The following USH2A variants were observed in gnomAD, a reference collection of about 807,000 sequenced individuals.
The protein encoded by USH2A is Usher syndrome 2A (autosomal recessive, mild).
A neutral mutation model predicts 538.9 loss-of-function variants in USH2A; 443 were observed. That is an observed-to-expected ratio of 0.82 (90% CI 0.76 to 0.89). USH2A has a LOEUF of 0.89. Among genes scored for constraint, USH2A ranks in the 40% least tolerant of loss-of-function variants. The probability of loss-of-function intolerance (pLI) is 0.00; values close to 1 mark genes in which losing one functional copy is unlikely to be tolerated. For synonymous variants in USH2A, 2,413 were observed against 2,273.5 expected (o/e 1.06, Z -1.75); for missense variants, 6,633 against 6,324.8 (o/e 1.05, Z -1.65).
At chr1:215,856,346 TACAA>T (rs1158552649) in intron 44 of USH2A, among the ~76,000 whole-genome samples, 3 of 151,618 alleles carry the variant, frequency 2.0e-5, no homozygotes, top group Non-Finnish European at 3.0e-5. Flanking sequence ...GCAAGAAAAA[TACAA>T]ACAATCAAGT....
intron 64 of USH2A, among the ~76,000 whole-genome samples, chr1:215,663,118 G>T (rs1657495144): frequency 6.6e-6 from 1 of 152,184 alleles, no homozygotes; most frequent in African/African-American, 2.4e-5. Flanking sequence ...CACCTTTAGA[G>T]GCAACTGTAC....
chr1:216,109,924 T>A (rs1422822070), intron 21 of USH2A, among the ~76,000 whole-genome samples: 2 of 152,168 alleles, frequency 1.3e-5, no homozygotes, highest in Non-Finnish European at 2.9e-5. Context: ...TGTCTAATCA[T>A]CTTCATATTC....
At chr1:215,740,395 C>G (rs1226430672) in intron 60 of USH2A, among the ~76,000 whole-genome samples, 1 of 152,226 alleles carries the variant, frequency 6.6e-6, no homozygotes, top group Admixed American at 6.5e-5. Context: ...CTTTGTCTCT[C>G]TTTTTCCTCA....
chr1:215,936,555 ATTTC>A (rs1666503192), intron 37 of USH2A, among the ~76,000 whole-genome samples: 1 of 152,090 alleles, frequency 6.6e-6, no homozygotes, highest in African/African-American at 2.4e-5. Context: ...AAGTGAGATT[ATTTC>A]TTTATCATAT....
At chr1:216,154,048 C>T (rs541462108) in intron 21 of USH2A, among the ~76,000 whole-genome samples, 3 of 152,242 alleles carry the variant, frequency 2.0e-5, no homozygotes, top group South Asian at 2.1e-4. Flanking sequence ...ATGAAAAATA[C>T]ATTACAGAGG....
At chr1:216,378,734 A>G (rs1402792692) in intron 3 of USH2A, among the ~76,000 whole-genome samples, 1 of 152,114 alleles carries the variant, frequency 6.6e-6, no homozygotes, top group Non-Finnish European at 1.5e-5. Flanking sequence ...TATGCACCCA[A>G]ACAAATAACA....
At chr1:215,845,733 T>A in intron 45 of USH2A, 91 bp downstream of exon 45, 2 of 1,419,796 alleles carry the variant, frequency 1.4e-6, no homozygotes, top group Non-Finnish European at 2.0e-6. Context: ...GGAAATTTTA[T>A]AATGGAGGGA....
intron 32 of USH2A, among the ~76,000 whole-genome samples, chr1:216,031,150 G>A (rs546829038): frequency 3.9e-5 from 6 of 152,042 alleles, no homozygotes; most frequent in Non-Finnish European, 8.8e-5. Context: ...TTCAGGGGCT[G>A]TTAATAATGG....
intron 58 of USH2A, 72 bp from the exon 59 acceptor site, chr1:215,743,407 T>TGTGG (rs1660366794): frequency 2.0e-6 from 1 of 512,428 alleles, no homozygotes; most frequent in Non-Finnish European, 3.1e-6. Context: ...TGTGTGTGTG[T>TGTGG]GTGTGTGTGT....
At chr1:216,199,503 T>C in intron 17 of USH2A, 124 bp downstream of exon 17, 1 of 1,400,366 alleles carries the variant, frequency 7.1e-7, no homozygotes, top group South Asian at 1.2e-5. Context: ...AGAAACTGTT[T>C]CTCAATTATT....
intron 11 of USH2A, among the ~76,000 whole-genome samples, chr1:216,256,927 T>G (rs1402838905): frequency 2.6e-5 from 4 of 152,038 alleles, no homozygotes; most frequent in Non-Finnish European, 1.5e-5. Context: ...CTAACTCCCA[T>G]GTCGTTCAAG....
At chr1:215,726,239 T>C (rs1659813669) in intron 61 of USH2A, among the ~76,000 whole-genome samples, 1 of 152,156 alleles carries the variant, frequency 6.6e-6, no homozygotes, top group South Asian at 2.1e-4. Flanking sequence ...CTGGATCACA[T>C]ATCCACTAAA....
At chr1:215,660,293 T>C (rs1657401357) in intron 64 of USH2A, among the ~76,000 whole-genome samples, 1 of 152,214 alleles carries the variant, frequency 6.6e-6, no homozygotes, top group Admixed American at 6.5e-5. Flanking sequence ...TTAATATACA[T>C]GCAGTTCTTA....
intron 21 of USH2A, among the ~76,000 whole-genome samples, chr1:216,161,083 A>G (rs559867983): frequency 2.0e-5 from 3 of 152,156 alleles, no homozygotes; most frequent in African/African-American, 7.2e-5. Context: ...TTGTCTTTAT[A>G]TTTAAAGTAT....
intron 50 of USH2A, among the ~76,000 whole-genome samples, chr1:215,793,229 A>T (rs1405043976): frequency 2.6e-5 from 4 of 152,140 alleles, no homozygotes; most frequent in African/African-American, 9.7e-5. Flanking sequence ...TTTTTTTTAA[A>T]GAAGACCAAG....
intron 55 of USH2A, among the ~76,000 whole-genome samples, chr1:215,775,347 C>T (rs553330155): frequency 6.6e-6 from 1 of 152,236 alleles, no homozygotes; most frequent in East Asian, 1.9e-4. Context: ...AATTTTGTTG[C>T]CAGATCTGTC....
intron 13 of USH2A, among the ~76,000 whole-genome samples, chr1:216,241,343 G>A (rs911735263): frequency 6.6e-6 from 1 of 152,124 alleles, no homozygotes; most frequent in Non-Finnish European, 1.5e-5. Context: ...AAAATGATAA[G>A]GCAGGGCTCT....
In USH2A at chr1:215,728,074, C is replaced by CGT; in HGVS notation, c.12020_12021dup (p.Asp4008ThrfsTer15). 6.2e-7 allele frequency: 1 copy of CGT among 1,614,174 alleles called. No homozygotes were observed. Among genetic ancestry groups the CGT allele is most frequent in the East Asian group, 2.2e-5 (1 of 44,876 alleles). ...ACGGTAGGGCTGTTAAATGTAGGAT[C>CGT]GTCGGGTCTCTCCTGGTAGACCACA... On this transcript the variant is annotated frameshift_variant, in exon 61 of 72. Coordinates refer to ENST00000307340, the MANE Select transcript of USH2A (RefSeq NM_206933.4). LOFTEE classifies it high-confidence loss of function.
In USH2A at chr1:216,218,579, C is replaced by A. The variant is rs547967402; in HGVS notation, c.2994-1029G>T. On this transcript the variant is annotated intron_variant, in intron 14 of 71. Coordinates refer to ENST00000307340, the MANE Select transcript of USH2A (RefSeq NM_206933.4). ...TGATCTCTTGGGTAATCATTCAACA[C>A]CCTTAAAAAGGCTGATAAAAGCTAA... 2.0e-5 allele frequency among the ~76,000 whole-genome samples: 3 copies of A among 152,072 alleles called. 1 individual carries two copies. The highest frequency in any genetic ancestry group is 4.4e-5 in the Non-Finnish European group (3 of 67,972).
Sources: gnomAD v4.1 joint callset for allele counts (sites outside exome capture counted in the v4.1 genomes callset) on GRCh38, gnomAD v4.1.1 for gene constraint, MANE v1.5 for transcripts, NCBI Gene and HGNC (gene_info 2026-07-23, HGNC 2026-07-21) for gene names.